The following ZCCHC4 variants were observed in gnomAD, a reference collection of about 807,000 sequenced individuals.
ZCCHC4 encodes zinc finger CCHC-type containing 4.
Under a neutral mutation model 67.7 loss-of-function variants are expected in ZCCHC4, and 54 were observed. That is an observed-to-expected ratio of 0.80 (90% CI 0.64 to 1.00). The LOEUF (loss-of-function observed/expected upper bound fraction) is 1.00. Among genes scored for constraint, ZCCHC4 ranks in the 50% least tolerant of loss-of-function variants. ZCCHC4 has a pLI of 0.00. For missense variants in ZCCHC4, 609 were observed against 617.0 expected, an observed-to-expected ratio of 0.99 and a Z score of 0.14; for synonymous variants, 198 against 213.5, an observed-to-expected ratio of 0.93 and a Z score of 0.63.
chr4:25,333,863 A>T (rs773853396), intron 4 of ZCCHC4, 45 bp from the exon 5 acceptor site: 23 of 1,295,782 alleles, frequency 1.8e-5, no homozygotes, highest in Non-Finnish European at 2.4e-5. Flanking sequence ...ATTGTCTATG[A>T]CATTTGTAAT....
chr4:25,331,412 C>T (rs945304731), intron 3 of ZCCHC4, among the ~76,000 whole-genome samples: 1 of 152,126 alleles, frequency 6.6e-6, no homozygotes, highest in Non-Finnish European at 1.5e-5. Context: ...TCAAGTGATC[C>T]TCCTGCCTCT....
At chr4:25,314,264 A>G in intron 2 of ZCCHC4, 100 bp downstream of exon 2, 5 of 738,994 alleles carry the variant, frequency 6.8e-6, no homozygotes, top group Non-Finnish European at 1.1e-5. Context: ...TGAACATACA[A>G]GATAAATCTC....
intron 3 of ZCCHC4, among the ~76,000 whole-genome samples, chr4:25,324,544 C>G (rs1424798517): frequency 6.6e-6 from 1 of 152,104 alleles, no homozygotes; most frequent in African/African-American, 2.4e-5. Flanking sequence ...TGTATGGACT[C>G]ATGGTTTTAT....
At position 25,312,882 on chromosome 4, in the gene ZCCHC4, A is replaced by G. The variant is rs1718025358; in HGVS notation, c.73A>G (p.Met25Val). Reference protein sequence around the residue: ...GSAGCRGSSGMEVVLPLDPAV... With the variant: ...GSAGCRGSSGVEVVLPLDPAV... ...CGCAGGGTGCCGGGGAAGCTCGGGA[A>G]TGGAGGTGGTGCTTCCTTTGGATCC... is the stretch of plus-strand genomic sequence containing the variant. Residue 25 changes from methionine (M) to valine (V), a missense_variant, in exon 1 of 13, where the codon ATG (methionine) becomes GTG (valine). Transcript: ENST00000302874. The G allele has an allele frequency of 6.2e-7, 1 of 1,612,904 alleles. No homozygotes were observed. The highest frequency in any genetic ancestry group is 8.5e-7 in the Non-Finnish European group (1 of 1,179,980).
intron 8 of ZCCHC4, among the ~76,000 whole-genome samples, chr4:25,356,427 T>G (rs1396618493): frequency 6.6e-6 from 1 of 152,170 alleles, no homozygotes; most frequent in Non-Finnish European, 1.5e-5. Context: ...ATGTTTATAG[T>G]TAATTAGCAC....
intron 2 of ZCCHC4, 54 bp from the exon 3 acceptor site, chr4:25,315,262 TTC>T: frequency 6.7e-7 from 1 of 1,483,128 alleles, no homozygotes; most frequent in Non-Finnish European, 9.3e-7. Flanking sequence ...ATGCCAGTTC[TTC>T]TAGGATGATA....
chr4:25,361,103 A>G (rs1720716604), intron 8 of ZCCHC4, among the ~76,000 whole-genome samples: 1 of 152,204 alleles, frequency 6.6e-6, no homozygotes, highest in Non-Finnish European at 1.5e-5. Context: ...CTATAGGAGG[A>G]AGGATGACCT....
chr4:25,362,307 G>A lies in ZCCHC4; in HGVS notation c.1209+6G>A, dbSNP rs1470821636. ...GTAATTCTTGCACATCCAAGGTATG[G>A]TGTTCTTATAGAATGTATTTTTATT... On this transcript the variant is annotated splice_donor_region_variant and intron_variant, in intron 10 of 12. Transcript: ENST00000302874. 6.4e-7 allele frequency: 1 copy of A among 1,568,742 alleles called. No individual in the cohort carries two copies. The highest frequency in any genetic ancestry group is 1.8e-5 in the Admixed American group (1 of 56,768).
intron 3 of ZCCHC4, among the ~76,000 whole-genome samples, chr4:25,315,924 A>G (rs778034262): frequency 2.4e-4 from 37 of 152,104 alleles, no homozygotes; most frequent in Non-Finnish European, 5.1e-4. Context: ...TATGTTGCCC[A>G]GAACTCCTGG....
chr4:25,351,835 T>G (rs902305347), intron 8 of ZCCHC4, 146 bp downstream of exon 8: 27 of 1,005,446 alleles, frequency 2.7e-5, no homozygotes, highest in Non-Finnish European at 3.6e-5. Flanking sequence ...TCCAGTGTTT[T>G]CTAAATATCA....
chr4:25,337,462 A>G (rs1212384611), intron 5 of ZCCHC4, among the ~76,000 whole-genome samples: 1 of 152,182 alleles, frequency 6.6e-6, no homozygotes, highest in Admixed American at 6.5e-5. Context: ...GGAAAGAGGC[A>G]GTTTTTCCTG....
chr4:25,368,076 C>CA (rs1451745917), intron 12 of ZCCHC4, among the ~76,000 whole-genome samples: 1 of 152,054 alleles, frequency 6.6e-6, no homozygotes, highest in Non-Finnish European at 1.5e-5. Flanking sequence ...GCTGAGTAAA[C>CA]AAAAAGTGAG....
Position 25,342,428 on chromosome 4 carries a change from G to T in ZCCHC4, c.687-3120G>T, listed in dbSNP as rs566901385. Among the ~76,000 whole-genome samples the T allele has an allele frequency of 6.6e-5, 10 of 152,274 alleles. No individual in the cohort carries two copies. In the East Asian group the frequency reaches 1.9e-3, roughly 29 times the overall value. On this transcript the variant is annotated intron_variant, in intron 5 of 12. Transcript: ENST00000302874. ...CTATAAATATATTTTTTAGGGGGTA[G>T]GAGGTACGAAGTTCACATTTGCTAA...
chr4:25,329,843 T>C (rs1460413506), intron 3 of ZCCHC4, among the ~76,000 whole-genome samples: 1 of 152,096 alleles, frequency 6.6e-6, no homozygotes, highest in African/African-American at 2.4e-5. Context: ...CGGATGTTTT[T>C]ATATTTTCTA....
intron 3 of ZCCHC4, among the ~76,000 whole-genome samples, chr4:25,325,292 C>G (rs1577729336): frequency 7.2e-6 from 1 of 138,152 alleles, no homozygotes; most frequent in East Asian, 2.2e-4. Context: ...CTTGGGTCGT[C>G]TTTTCACTCT....
chr4:25,362,309 G>A lies in ZCCHC4; in HGVS notation c.1209+8G>A. The A allele has an allele frequency of 1.3e-6, 2 of 1,553,628 alleles. No homozygotes were observed. Among genetic ancestry groups the A allele is most frequent in the Non-Finnish European group, 1.8e-6 (2 of 1,142,446 alleles). On this transcript the variant is annotated splice_region_variant and intron_variant, in intron 10 of 12. Coordinates refer to ENST00000302874, the MANE Select transcript of ZCCHC4 (RefSeq NM_024936.3). ...AATTCTTGCACATCCAAGGTATGGT[G>A]TTCTTATAGAATGTATTTTTATTTA... is the stretch of plus-strand genomic sequence containing the variant.
At chr4:25,333,533 A>G (rs1365980999) in intron 4 of ZCCHC4, 75 bp downstream of exon 4, 3 of 1,489,378 alleles carry the variant, frequency 2.0e-6, no homozygotes, top group Non-Finnish European at 2.8e-6. Context: ...TTAAGTAGTT[A>G]CTTACTCTGT....
chr4:25,344,759 A>G (rs1178145909), intron 5 of ZCCHC4, among the ~76,000 whole-genome samples: 3 of 150,780 alleles, frequency 2.0e-5, no homozygotes, highest in Non-Finnish European at 3.0e-5. Flanking sequence ...TGAAAAGCAT[A>G]TTTTATTAAG....
At chr4:25,365,557 G>C (rs539204607) in intron 12 of ZCCHC4, 2 of 990,310 alleles carry the variant, frequency 2.0e-6, no homozygotes, top group Non-Finnish European at 2.4e-6. Context: ...GCTGGAGAAG[G>C]CATTTCAGAT....
Sources: allele counts gnomAD v4.1 joint callset (sites outside exome capture counted in the v4.1 genomes callset), GRCh38; gene constraint gnomAD v4.1.1; transcripts MANE v1.5; gene names NCBI Gene and HGNC (gene_info 2026-07-23, HGNC 2026-07-21).